Variants in LCP1 observed in about 807,000 individuals in gnomAD.
The protein encoded by LCP1 is lymphocyte cytosolic protein 1, also known as plastin-2.
Under a neutral mutation model 72.0 loss-of-function variants are expected in LCP1, and 23 were observed. That is an observed-to-expected ratio of 0.32 (90% CI 0.23 to 0.45). The LOEUF (loss-of-function observed/expected upper bound fraction) is 0.45, where lower values mean the gene tolerates loss of function less well. Ranked by LOEUF, LCP1 falls within the 20% of genes least tolerant of loss-of-function variation. The probability of loss-of-function intolerance (pLI) is 1.00; values close to 1 mark genes in which losing one functional copy is unlikely to be tolerated. For missense variants in LCP1, 571 were observed against 748.3 expected, an observed-to-expected ratio of 0.76 and a Z score of 2.76; for synonymous variants, 245 against 275.4, an observed-to-expected ratio of 0.89 and a Z score of 1.09.
At chr13:46,156,166 T>C (rs535516915) in intron 5 of LCP1, among the ~76,000 whole-genome samples, 1 of 152,358 alleles carries the variant, frequency 6.6e-6, no homozygotes, top group East Asian at 1.9e-4. Context: ...AGACATCTAA[T>C]GCTTTTGACT....
intron 1 of LCP1, among the ~76,000 whole-genome samples, chr13:46,166,072 G>A (rs1241551063): frequency 1.3e-5 from 2 of 152,150 alleles, no homozygotes; most frequent in East Asian, 1.9e-4. Context: ...CAAGTCAGTA[G>A]CGAAGGGAAT....
At chr13:46,165,601 G>A (rs1021241856) in intron 1 of LCP1, among the ~76,000 whole-genome samples, 1 of 152,164 alleles carries the variant, frequency 6.6e-6, no homozygotes, top group African/African-American at 2.4e-5. Context: ...AAGAAAGCAT[G>A]TATCTTCCAA....
intron 6 of LCP1, among the ~76,000 whole-genome samples, chr13:46,154,193 T>C (rs548980072): frequency 6.6e-6 from 1 of 152,356 alleles, no homozygotes; most frequent in South Asian, 2.1e-4. Flanking sequence ...GGTTACCATT[T>C]CCATTTTTAA....
chr13:46,151,318 A>G (rs1185383073), intron 7 of LCP1, among the ~76,000 whole-genome samples: 1 of 152,272 alleles, frequency 6.6e-6, no homozygotes, highest in East Asian at 1.9e-4. Context: ...AACAAAGCAC[A>G]GTGAATCTCA....
At chr13:46,153,713 A>G (rs2045783580) in intron 6 of LCP1, among the ~76,000 whole-genome samples, 2 of 152,116 alleles carry the variant, frequency 1.3e-5, no homozygotes, top group African/African-American at 4.8e-5. Flanking sequence ...AAAAAAAAAA[A>G]AAAGAAAACG....
chr13:46,154,711 G>T, intron 6 of LCP1, 94 bp downstream of exon 6: 1 of 974,216 alleles, frequency 1.0e-6, no homozygotes, highest in Non-Finnish European at 1.6e-6. Flanking sequence ...TTTTGCGAAT[G>T]ATGTCTGAGC....
chr13:46,154,402 G>A lies in LCP1; in HGVS notation c.573+403C>T, dbSNP rs538310707. Among the ~76,000 whole-genome samples, 5 of 152,292 alleles carry A rather than the reference G, an allele frequency of 3.3e-5. No homozygotes were observed. The East Asian group carries it at 5.8e-4, about 18-fold the overall frequency. On this transcript the variant is annotated intron_variant, in intron 6 of 15. Transcript: ENST00000323076. ...AAAGCAAGTTATATTTATTATACTC[G>A]TGGCTGTGGCCAAAATTACTATGAA...
chr13:46,161,513 C>T (rs1463341336), intron 1 of LCP1, among the ~76,000 whole-genome samples: 1 of 152,152 alleles, frequency 6.6e-6, no homozygotes, highest in African/African-American at 2.4e-5. Flanking sequence ...GAGACAGGCA[C>T]TGGCTATCTG....
intron 13 of LCP1, among the ~76,000 whole-genome samples, chr13:46,135,524 G>C (rs2045659848): frequency 6.6e-6 from 1 of 152,170 alleles, no homozygotes; most frequent in South Asian, 2.1e-4. Flanking sequence ...CCTGAAATAA[G>C]AGCAATGCCC....
Position 46,144,536 on chromosome 13 carries a change from T to C in LCP1, c.1175-16A>G. On this transcript the variant is annotated splice_polypyrimidine_tract_variant and intron_variant, in intron 10 of 15. Coordinates refer to ENST00000323076, the MANE Select transcript of LCP1 (RefSeq NM_002298.5). ...CTCGTCTCACCTAGATGAATGAAGA[T>C]GGGTTATCTTTTGGGACCGAAGAAA... The C allele has an allele frequency of 6.3e-7, 1 of 1,597,100 alleles. No homozygotes were observed. The highest frequency in any genetic ancestry group is 8.6e-7 in the Non-Finnish European group (1 of 1,164,668).
At chr13:46,129,362 G>A (rs2045620277) in intron 15 of LCP1, among the ~76,000 whole-genome samples, 1 of 152,184 alleles carries the variant, frequency 6.6e-6, no homozygotes, top group Non-Finnish European at 1.5e-5. Context: ...CATCTGGGCT[G>A]AAGGCTTTTT....
intron 1 of LCP1, among the ~76,000 whole-genome samples, chr13:46,162,288 C>CCTCTCT (rs1270585084): frequency 1.2e-3 from 152 of 131,272 alleles, no homozygotes; most frequent in African/African-American, 4.3e-3. Context: ...CCTCCCTCTC[C>CCTCTCT]CGTCTCCCTC....
intron 14 of LCP1, among the ~76,000 whole-genome samples, chr13:46,132,232 C>A (rs974666988): frequency 1.3e-5 from 2 of 152,152 alleles, no homozygotes; most frequent in African/African-American, 2.4e-5. Context: ...GCTTGTCAAA[C>A]CTTGTCCCCA....
intron 12 of LCP1, 79 bp downstream of exon 12, chr13:46,143,211 G>T: frequency 3.3e-6 from 3 of 902,774 alleles, no homozygotes; most frequent in African/African-American, 1.7e-5. Flanking sequence ...ACGTTTGGCT[G>T]CCTTATAAAG....
intron 1 of LCP1, among the ~76,000 whole-genome samples, chr13:46,162,114 A>T (rs570347912): frequency 6.6e-6 from 1 of 152,280 alleles, no homozygotes; most frequent in Non-Finnish European, 1.5e-5. Context: ...AGCTGGGTGG[A>T]GAAGCAGCCA....
chr13:46,156,344 CCAAA>C (rs1196695422), intron 5 of LCP1, 90 bp downstream of exon 5: 8 of 1,477,780 alleles, frequency 5.4e-6, no homozygotes, highest in African/African-American at 1.4e-5. Flanking sequence ...CAGCTGAGCA[CCAAA>C]CAAAGTTGGC....
chr13:46,173,764 T>C (rs1270891532), intron 1 of LCP1, among the ~76,000 whole-genome samples: 2 of 152,190 alleles, frequency 1.3e-5, no homozygotes, highest in African/African-American at 2.4e-5. Context: ...GCCAACAGCA[T>C]TGGTATTAGC....
chr13:46,133,061 A>T (rs1431841763), intron 14 of LCP1, among the ~76,000 whole-genome samples: 1 of 152,202 alleles, frequency 6.6e-6, no homozygotes, highest in Admixed American at 6.5e-5. Context: ...TGCATGAAAC[A>T]TGAGTCAAGA....
At chr13:46,173,792 G>A (rs1220735768) in intron 1 of LCP1, among the ~76,000 whole-genome samples, 1 of 152,232 alleles carries the variant, frequency 6.6e-6, no homozygotes, top group African/African-American at 2.4e-5. Context: ...GAGTGGTGAA[G>A]GGGCTCCGGG....
Sources: allele counts gnomAD v4.1 joint callset (sites outside exome capture counted in the v4.1 genomes callset), GRCh38; gene constraint gnomAD v4.1.1; transcripts MANE v1.5; gene names NCBI Gene and HGNC (gene_info 2026-07-23, HGNC 2026-07-21).